The following CDH18 variants were observed in gnomAD, a reference collection of about 807,000 sequenced individuals.
CDH18 encodes the protein cadherin-18.
Under a neutral mutation model 67.9 loss-of-function variants are expected in CDH18, and 31 were observed. The observed-to-expected ratio is 0.46, with a 90% CI of 0.34 to 0.62. CDH18 has a LOEUF of 0.62. Ranked by LOEUF, CDH18 falls within the 20% of genes least tolerant of loss-of-function variation. The pLI, the probability that CDH18 is intolerant of heterozygous loss-of-function variation, is 0.01. For missense variants in CDH18, 890 were observed against 975.5 expected (o/e 0.91, Z 1.17); for synonymous variants, 362 against 347.2 (o/e 1.04, Z -0.48).
At chr5:19,875,998 G>A (rs1786947861) in intron 2 of CDH18, among the ~76,000 whole-genome samples, 1 of 151,758 alleles carries the variant, frequency 6.6e-6, no homozygotes, top group South Asian at 2.1e-4. Context: ...AATAATTAAG[G>A]CAACAATAGG....
At chr5:19,566,308 C>T (rs754422405) in intron 8 of CDH18, among the ~76,000 whole-genome samples, 6 of 152,192 alleles carry the variant, frequency 3.9e-5, no homozygotes, top group Non-Finnish European at 8.8e-5. Context: ...CTATGGAGAA[C>T]AGTTTGACAG....
At chr5:20,484,886 G>T (rs1463805277) in intron 1 of CDH18, among the ~76,000 whole-genome samples, 1 of 151,944 alleles carries the variant, frequency 6.6e-6, no homozygotes, top group Non-Finnish European at 1.5e-5. Flanking sequence ...ACAATGGGGT[G>T]ACTACAGTCA....
chr5:20,060,592 T>C (rs1464258672), intron 2 of CDH18, among the ~76,000 whole-genome samples: 1 of 152,234 alleles, frequency 6.6e-6, no homozygotes, highest in Non-Finnish European at 1.5e-5. Flanking sequence ...TGAAAAATAT[T>C]ATGAATATGC....
chr5:19,557,510 T>C (rs1000500614), intron 8 of CDH18, among the ~76,000 whole-genome samples: 2 of 151,996 alleles, frequency 1.3e-5, no homozygotes, highest in Non-Finnish European at 2.9e-5. Context: ...AGATGAACTT[T>C]AAAGCAACAG....
chr5:19,489,684 T>A (rs1269973289), intron 11 of CDH18, among the ~76,000 whole-genome samples: 2 of 152,324 alleles, frequency 1.3e-5, no homozygotes, highest in African/African-American at 4.8e-5. Flanking sequence ...ACCAAGATTT[T>A]TAAAAAAAAG....
intron 8 of CDH18, among the ~76,000 whole-genome samples, chr5:19,555,145 C>T (rs1290591347): frequency 6.6e-6 from 1 of 152,116 alleles, no homozygotes; most frequent in Admixed American, 6.5e-5. Context: ...GGGAAAATGG[C>T]GGAGAGGAGG....
chr5:19,481,322 T>C (rs1420832760), intron 12 of CDH18, among the ~76,000 whole-genome samples: 1 of 152,172 alleles, frequency 6.6e-6, no homozygotes, highest in Admixed American at 6.5e-5. Flanking sequence ...TAAGAAGTTA[T>C]ATTTGAGGCC....
At chr5:20,045,524 G>A (rs563388436) in intron 2 of CDH18, among the ~76,000 whole-genome samples, 2 of 151,794 alleles carry the variant, frequency 1.3e-5, no homozygotes, top group Non-Finnish European at 2.9e-5. Flanking sequence ...CTTTTCTCAA[G>A]ATGTAGTCAT....
In CDH18 at chr5:19,535,695, A is replaced by C. The variant is rs1282056944; in HGVS notation, c.1390+8174T>G. On this transcript the variant is annotated intron_variant, in intron 9 of 12. Coordinates refer to ENST00000382275, the MANE Select transcript of CDH18 (RefSeq NM_004934.5). ...GACTCAATGAATAAAGAAAACACAA[A>C]CATTGGTTTGTGGACTCTTATGTCC... Among the ~76,000 whole-genome samples the C allele has an allele frequency of 2.6e-5, 4 of 152,252 alleles. No individual in the cohort carries two copies. In the South Asian group the frequency reaches 6.2e-4, roughly 24 times the overall value.
intron 1 of CDH18, chr5:20,304,847 C>T: frequency 1.9e-6 from 3 of 1,611,478 alleles, no homozygotes; most frequent in East Asian, 2.2e-5. Flanking sequence ...CCACTGTTGC[C>T]GTGTTGCTGT....
chr5:20,368,939 A>G (rs374353994), intron 1 of CDH18, among the ~76,000 whole-genome samples: 2 of 152,228 alleles, frequency 1.3e-5, no homozygotes, highest in African/African-American at 2.4e-5. Context: ...TTTTCAGAAC[A>G]AAGTCCATAT....
At chr5:20,307,785 T>C (rs1240517857) in intron 1 of CDH18, among the ~76,000 whole-genome samples, 1 of 152,190 alleles carries the variant, frequency 6.6e-6, no homozygotes, top group Non-Finnish European at 1.5e-5. Flanking sequence ...CTCTTCCTAA[T>C]ATGTCTCTAA....
intron 1 of CDH18, among the ~76,000 whole-genome samples, chr5:20,261,417 T>C (rs1744641350): frequency 6.6e-6 from 1 of 152,040 alleles, no homozygotes; most frequent in Non-Finnish European, 1.5e-5. Flanking sequence ...ACTTGAAATG[T>C]AGAAATTAAC....
chr5:19,611,957 T>A (rs952668798), intron 6 of CDH18, among the ~76,000 whole-genome samples: 2 of 150,878 alleles, frequency 1.3e-5, no homozygotes, highest in African/African-American at 2.4e-5. Flanking sequence ...TGCGTGTGTG[T>A]GTGTGTGTGT....
At chr5:19,873,639 A>G (rs1351444712) in intron 2 of CDH18, among the ~76,000 whole-genome samples, 1 of 152,134 alleles carries the variant, frequency 6.6e-6, no homozygotes, top group Non-Finnish European at 1.5e-5. Flanking sequence ...CTTTCAAAAT[A>G]TCAAAAAAAA....
intron 1 of CDH18, among the ~76,000 whole-genome samples, chr5:20,547,946 T>C (rs1329375981): frequency 1.3e-5 from 2 of 152,104 alleles, no homozygotes; most frequent in Middle Eastern, 6.8e-3. Context: ...AGTTTGAATA[T>C]AGGTATTAAA....
intron 3 of CDH18, among the ~76,000 whole-genome samples, chr5:19,764,369 T>A (rs1038741743): frequency 5.3e-5 from 8 of 151,984 alleles, no homozygotes; most frequent in Non-Finnish European, 1.5e-5. Context: ...TGTTGGTAAT[T>A]GAGAAAATCA....
At chr5:20,561,945 A>G (rs1001353762) in intron 1 of CDH18, among the ~76,000 whole-genome samples, 2 of 151,898 alleles carry the variant, frequency 1.3e-5, no homozygotes, top group East Asian at 1.9e-4. Flanking sequence ...GAAAATATCA[A>G]TTATATGGTA....
chr5:19,890,658 A>G (rs1788694540), intron 2 of CDH18, among the ~76,000 whole-genome samples: 1 of 149,818 alleles, frequency 6.7e-6, no homozygotes, highest in Non-Finnish European at 1.5e-5. Context: ...GCAGTGGCAT[A>G]ATCTTGGCTC....
Sources: allele counts gnomAD v4.1 joint callset (sites outside exome capture counted in the v4.1 genomes callset), GRCh38; gene constraint gnomAD v4.1.1; transcripts MANE v1.5; gene names NCBI Gene and HGNC (gene_info 2026-07-23, HGNC 2026-07-21).